TRDN: variants seen among roughly 807,000 people sequenced by gnomAD.
The protein encoded by TRDN is triadin.
Under a neutral mutation model 149.7 loss-of-function variants are expected in TRDN, and 161 were observed. The observed-to-expected ratio is 1.08, with a 90% confidence interval of 0.95 to 1.23. The LOEUF (loss-of-function observed/expected upper bound fraction) is 1.23. Ranked by LOEUF, TRDN falls within the 50% of genes most tolerant of loss-of-function variation. TRDN has a pLI of 0.00. For synonymous variants in TRDN, 294 were observed against 250.5 expected, an observed-to-expected ratio of 1.17 and a Z score of -1.64; for missense variants, 896 against 823.5, an observed-to-expected ratio of 1.09 and a Z score of -1.08.
intron 12 of TRDN, among the ~76,000 whole-genome samples, chr6:123,404,063 T>C (rs1242873729): frequency 6.6e-6 from 1 of 152,144 alleles, no homozygotes; most frequent in Non-Finnish European, 1.5e-5. Context: ...AACCACTTAA[T>C]AAATAGTTAA....
In TRDN at chr6:123,266,195, G is replaced by A. The variant is rs1294660306; in HGVS notation, c.1784-857C>T. Among the ~76,000 whole-genome samples, 19 of 78,386 alleles carry A rather than the reference G, an allele frequency of 2.4e-4. 1 individual carries two copies. Among genetic ancestry groups the A allele is most frequent in the African/African-American group, 3.7e-4 (7 of 18,898 alleles). The allele number at this position is 78,386 out of a possible 152,430, so 51.4% of individuals were successfully genotyped here. A position where few individuals can be genotyped will look rare whatever the true frequency, so the allele number is the denominator to read the frequency against. On this transcript the variant is annotated intron_variant, in intron 32 of 40. Transcript: ENST00000334268. ...TTATATATTATATATATTATAATAT[G>A]TATTATATATTATATATATTATAAT...
chr6:123,610,613 C>T (rs1026928815), intron 1 of TRDN, among the ~76,000 whole-genome samples: 1 of 152,152 alleles, frequency 6.6e-6, no homozygotes, highest in Admixed American at 6.6e-5. Flanking sequence ...ACAAATGCTA[C>T]AAATGAGACA....
At chr6:123,490,122 T>C (rs779782580) in intron 9 of TRDN, among the ~76,000 whole-genome samples, 2 of 152,156 alleles carry the variant, frequency 1.3e-5, no homozygotes, top group Non-Finnish European at 2.9e-5. Context: ...CTATGAGTCT[T>C]CATAAGACAA....
chr6:123,408,619 A>G (rs546959552), intron 12 of TRDN, among the ~76,000 whole-genome samples: 1 of 151,738 alleles, frequency 6.6e-6, no homozygotes, highest in Non-Finnish European at 1.5e-5. Context: ...CAGAGGTTGC[A>G]GTGAGCAGAG....
intron 9 of TRDN, among the ~76,000 whole-genome samples, chr6:123,481,166 C>G (rs1399249162): frequency 6.6e-6 from 1 of 152,114 alleles, no homozygotes; most frequent in African/African-American, 2.4e-5. Flanking sequence ...CCAAGACTCT[C>G]TCAACAATTT....
intron 34 of TRDN, among the ~76,000 whole-genome samples, 199 bp downstream of exon 34, chr6:123,260,413 A>G (rs1251237977): frequency 6.6e-6 from 1 of 152,036 alleles, no homozygotes; most frequent in Non-Finnish European, 1.5e-5. Context: ...ATAAGTTTGT[A>G]TGCGGTAAGA....
chr6:123,480,979 C>A (rs1293898334), intron 9 of TRDN, among the ~76,000 whole-genome samples: 1 of 152,062 alleles, frequency 6.6e-6, no homozygotes, highest in Non-Finnish European at 1.5e-5. Context: ...CCTTAAGACC[C>A]ACCAACAACT....
intron 14 of TRDN, 42 bp from the exon 15 acceptor site, chr6:123,382,189 A>C: frequency 7.3e-7 from 1 of 1,375,848 alleles, no homozygotes; most frequent in Non-Finnish European, 9.8e-7. Context: ...CAGATACAAT[A>C]AATCAACAGC....
chr6:123,422,577 T>C (rs1773953465), intron 12 of TRDN, among the ~76,000 whole-genome samples: 1 of 152,168 alleles, frequency 6.6e-6, no homozygotes, highest in African/African-American at 2.4e-5. Flanking sequence ...TTTTAAAAAC[T>C]AATTTGGACT....
rs1393976819 is a variant in TRDN, at chr6:123,477,611, G to A, written c.854-12628C>T. Among the ~76,000 whole-genome samples the A allele has an allele frequency of 9.9e-5, 15 of 151,564 alleles. 1 individual carries two copies. The highest frequency in any genetic ancestry group is 2.1e-4 in the South Asian group (1 of 4,774). On this transcript the variant is annotated intron_variant, in intron 9 of 40. Coordinates refer to ENST00000334268, the MANE Select transcript of TRDN (RefSeq NM_006073.4). ...TGCTGCTATAAAGACACATGCACAC[G>A]TATGTTTATTGTGGCATTATTCACA...
intron 1 of TRDN, among the ~76,000 whole-genome samples, chr6:123,573,481 A>G (rs1782678413): frequency 6.6e-6 from 1 of 152,116 alleles, no homozygotes. Flanking sequence ...AAAGGCTAGA[A>G]AGGCAGGATT....
chr6:123,419,802 C>G (rs971190199), intron 12 of TRDN, among the ~76,000 whole-genome samples: 1 of 152,154 alleles, frequency 6.6e-6, no homozygotes, highest in Non-Finnish European at 1.5e-5. Context: ...CTACTGAGTA[C>G]CTCCTGCCTC....
intron 5 of TRDN, among the ~76,000 whole-genome samples, chr6:123,517,701 T>C (rs1779478871): frequency 6.6e-6 from 1 of 152,114 alleles, no homozygotes; most frequent in Non-Finnish European, 1.5e-5. Context: ...TCTCTGCCTG[T>C]ATGTGTCTTC....
At chr6:123,530,479 AG>A in intron 5 of TRDN, 26 bp downstream of exon 5, 1 of 1,185,436 alleles carries the variant, frequency 8.4e-7, no homozygotes. Context: ...ATCTAAATGA[AG>A]AATAAACATA....
At chr6:123,465,582 CAAA>C (rs1223948612) in intron 9 of TRDN, among the ~76,000 whole-genome samples, 6 of 65,534 alleles carry the variant, frequency 9.2e-5, no homozygotes, top group Non-Finnish European at 1.9e-4. Context: ...TTATGAACTG[CAAA>C]AAAAAAAAAA....
chr6:123,366,032 T>A, intron 20 of TRDN, 103 bp downstream of exon 20: 2 of 1,026,030 alleles, frequency 1.9e-6, no homozygotes, highest in East Asian at 2.6e-5. Flanking sequence ...ACTAGTAAAA[T>A]CAATAAATAG....
chr6:123,270,043 CA>C (rs1227187086), intron 30 of TRDN, among the ~76,000 whole-genome samples, 177 bp from the exon 31 acceptor site: 3 of 151,904 alleles, frequency 2.0e-5, no homozygotes, highest in Non-Finnish European at 4.4e-5. Flanking sequence ...AATCAAACTG[CA>C]AAAAACTAGT....
chr6:123,528,841 C>T (rs879844780), intron 5 of TRDN: 31 of 1,008,816 alleles, frequency 3.1e-5, no homozygotes, highest in Non-Finnish European at 3.3e-5. Flanking sequence ...TGATTTCCAG[C>T]TCAGTGTGGA....
At chr6:123,562,993 A>T (rs1782081871) in intron 2 of TRDN, among the ~76,000 whole-genome samples, 2 of 152,148 alleles carry the variant, frequency 1.3e-5, no homozygotes, top group South Asian at 4.1e-4. Context: ...CTCAACTGAA[A>T]TTTTTCCACA....
Sources: gnomAD v4.1 joint callset for allele counts (sites outside exome capture counted in the v4.1 genomes callset) on GRCh38, gnomAD v4.1.1 for gene constraint, MANE v1.5 for transcripts, NCBI Gene and HGNC (gene_info 2026-07-23, HGNC 2026-07-21) for gene names.